STX11: variants seen among roughly 807,000 people sequenced by gnomAD.
STX11 encodes the protein syntaxin-11.
Under a neutral mutation model 19.9 loss-of-function variants are expected in STX11, and 21 were observed. That is an observed-to-expected ratio of 1.06 (90% CI 0.75 to 1.52). STX11 has a LOEUF of 1.52. STX11 is among the 40% of genes most tolerant of loss of function. STX11 has a pLI of 0.00. For missense variants in STX11, 438 were observed against 405.9 expected, an observed-to-expected ratio of 1.08 and a Z score of -0.68; for synonymous variants, 193 against 174.4, an observed-to-expected ratio of 1.11 and a Z score of -0.84.
chr6:144,157,290 T>C, intron 1 of STX11, among the ~76,000 whole-genome samples: 1 of 152,206 alleles, frequency 6.6e-6, no homozygotes, highest in East Asian at 1.9e-4. Flanking sequence ...TTCTGCCTCC[T>C]GAGGCAAGAG....
Position 144,180,917 on chromosome 6 carries a change from G to T in STX11, c.-5-5706G>T, listed in dbSNP as rs1801897113. ...TCCTTGTTCCCTGTGAATGCTATCA[G>T]AGTATTTATTCATGTACCTGAGGGT... On this transcript the variant is annotated intron_variant, in intron 1 of 1. Coordinates refer to ENST00000367568, the MANE Select transcript of STX11 (RefSeq NM_003764.4). The surrounding 1 kb of genome is among the most constrained non-coding windows in gnomAD (Gnocchi z 5.3). Among the ~76,000 whole-genome samples, 1 of 152,196 alleles carries T rather than the reference G, an allele frequency of 6.6e-6. No homozygotes were observed. The highest frequency in any genetic ancestry group is 1.5e-5 in the Non-Finnish European group (1 of 68,036).
At position 144,152,626 on chromosome 6, in the gene STX11, G is replaced by GTTGTT. The variant is rs1225856314; in HGVS notation, c.-6+1941_-6+1945dup. Among the ~76,000 whole-genome samples the GTTGTT allele has an allele frequency of 3.3e-5, 5 of 152,110 alleles. No homozygotes were observed. Among genetic ancestry groups the GTTGTT allele is most frequent in the Admixed American group, 1.3e-4 (2 of 15,280 alleles). On this transcript the variant is annotated intron_variant, in intron 1 of 1. Coordinates refer to ENST00000367568, the MANE Select transcript of STX11 (RefSeq NM_003764.4). This position sits in a 1 kb window ranked among gnomAD's most constrained non-coding sequence, Gnocchi z 4.9. ...AGGAAATGGTGTGACTAATTAATAG[G>GTTGTT]TTGTTTTGTTTTGTTTTGTTTTTTG...
chr6:144,164,047 G>A (rs1450505244), intron 1 of STX11, among the ~76,000 whole-genome samples: 10 of 152,112 alleles, frequency 6.6e-5, no homozygotes, highest in African/African-American at 2.4e-4. Flanking sequence ...CCTATGTTTT[G>A]CTCACCAAGC....
upstream of STX11, among the ~76,000 whole-genome samples, chr6:144,146,703 T>C (rs1800879955): frequency 6.6e-6 from 1 of 152,192 alleles, no homozygotes; most frequent in Non-Finnish European, 1.5e-5. The surrounding 1 kb of genome is among the most constrained non-coding windows in gnomAD (Gnocchi z 4.4). Context: ...ACAACAGGCA[T>C]GCACCACCGC....
rs1254570432 is a variant in STX11 at position 144,167,387 on chromosome 6, G to A, written c.-6+16684G>A. Among the ~76,000 whole-genome samples the A allele has an allele frequency of 2.0e-5, 3 of 152,046 alleles. No individual in the cohort carries two copies. The highest frequency in any genetic ancestry group is 6.5e-5 in the Admixed American group (1 of 15,268). On this transcript the variant is annotated intron_variant, in intron 1 of 1. Transcript: ENST00000367568. This position sits in a 1 kb window ranked among gnomAD's most constrained non-coding sequence, Gnocchi z 5.0. Reference sequence around the variant, plus strand: ...GGGGATAAGACCCAAATCTAAACACGAAATTTATGTTTCATATATACCTAT... The same window carrying A: ...GGGGATAAGACCCAAATCTAAACACAAAATTTATGTTTCATATATACCTAT...
In STX11 at chr6:144,175,584, G is replaced by A. The variant is rs1247699694; in HGVS notation, c.-5-11039G>A. 6.6e-6 allele frequency among the ~76,000 whole-genome samples: 1 copy of A among 152,184 alleles called. No individual in the cohort carries two copies. Among genetic ancestry groups the A allele is most frequent in the Non-Finnish European group, 1.5e-5 (1 of 68,028 alleles). On this transcript the variant is annotated intron_variant, in intron 1 of 1. Transcript: ENST00000367568. This position sits in a 1 kb window ranked among gnomAD's most constrained non-coding sequence, Gnocchi z 5.1. ...GGCCTCTCAAAGTGCTGGGATTACA[G>A]GCATGAGCCACCGCGCCCAGCCTTA...
At chr6:144,157,794 C>A (rs1440786905) in intron 1 of STX11, among the ~76,000 whole-genome samples, 1 of 152,102 alleles carries the variant, frequency 6.6e-6, no homozygotes, top group Non-Finnish European at 1.5e-5. Flanking sequence ...TAACACACAC[C>A]AGTCCTTGCT....
At chr6:144,173,185 A>C (rs1235564926) in intron 1 of STX11, among the ~76,000 whole-genome samples, 3 of 152,218 alleles carry the variant, frequency 2.0e-5, no homozygotes, top group Admixed American at 1.3e-4. Flanking sequence ...TCCTTTGAAA[A>C]GTCTTTGTAT....
rs1801112919 is a variant in STX11 at position 144,155,498 on chromosome 6, G to A, written c.-6+4795G>A. 2.0e-5 allele frequency among the ~76,000 whole-genome samples: 3 copies of A among 152,126 alleles called. No homozygotes were observed. The highest frequency in any genetic ancestry group is 3.8e-4 in the East Asian group (2 of 5,200). On this transcript the variant is annotated intron_variant, in intron 1 of 1. Coordinates refer to ENST00000367568, the MANE Select transcript of STX11 (RefSeq NM_003764.4). This position sits in a 1 kb window ranked among gnomAD's most constrained non-coding sequence, Gnocchi z 4.5. ...TGAAATGAGAGTGACATGAAGCCTCGCAGGGTAATAGAGCCCACATGTCTA... is the reference window on the plus strand; with the variant it reads ...TGAAATGAGAGTGACATGAAGCCTCACAGGGTAATAGAGCCCACATGTCTA...
chr6:144,147,248 T>C (rs1800893273), upstream of STX11, among the ~76,000 whole-genome samples: 1 of 152,132 alleles, frequency 6.6e-6, no homozygotes, highest in African/African-American at 2.4e-5. The surrounding 1 kb of genome is among the most constrained non-coding windows in gnomAD (Gnocchi z 4.2). Context: ...GTTTTTATTC[T>C]TTCACTCCAA....
intron 1 of STX11, among the ~76,000 whole-genome samples, chr6:144,168,953 G>A (rs1224529584): frequency 6.6e-6 from 1 of 152,178 alleles, no homozygotes; most frequent in African/African-American, 2.4e-5. Flanking sequence ...CAGATGTGAA[G>A]GAATAACAAA....
chr6:144,188,847 C>A lies in STX11; in HGVS notation c.*1356C>A, dbSNP rs1802140466. ...GTTCGAGCGATTCTCCTGACTCAGC[C>A]TCCTGAGAAGTTGGGACTCTGGGCG... On this transcript the variant is annotated 3_prime_UTR_variant, in exon 2 of 2. Transcript: ENST00000367568. Among the ~76,000 whole-genome samples, 1 of 151,120 alleles carries A rather than the reference C, an allele frequency of 6.6e-6. No homozygotes were observed. The highest frequency in any genetic ancestry group is 2.1e-4 in the South Asian group (1 of 4,782).
In STX11 at chr6:144,162,499, C is replaced by G. The variant is rs1474345762; in HGVS notation, c.-6+11796C>G. 6.6e-6 allele frequency among the ~76,000 whole-genome samples: 1 copy of G among 152,132 alleles called. No individual in the cohort carries two copies. Among genetic ancestry groups the G allele is most frequent in the Non-Finnish European group, 1.5e-5 (1 of 68,028 alleles). On this transcript the variant is annotated intron_variant, in intron 1 of 1. Transcript: ENST00000367568. This position sits in a 1 kb window ranked among gnomAD's most constrained non-coding sequence, Gnocchi z 4.6. ...AGTAATGTTCAATTTGCTATTTTAT[C>G]CAGAATGTGGAAGGCGTCTTCAAAA... is the stretch of plus-strand genomic sequence containing the variant.
chr6:144,141,653 TTTGTTG>T, the STX11 span, among the ~76,000 whole-genome samples: 36,291 of 150,384 alleles, frequency 0.24, 4,488 homozygotes, highest in African/African-American at 0.29. Flanking sequence ...TATTTTCAGT[TTTGTTG>T]TTGTTGTTGT....
In STX11 at chr6:144,174,642, GAT is replaced by G; in HGVS notation, c.-5-11978_-5-11977del. On this transcript the variant is annotated intron_variant, in intron 1 of 1. Transcript: ENST00000367568. This position sits in a 1 kb window ranked among gnomAD's most constrained non-coding sequence, Gnocchi z 5.3. ...CTTGGCCTCCCAAGCCAGGATTACAGATATGAGTCCCTGTGCCTGGCCAGAAA... is the reference window on the plus strand; with the variant it reads ...CTTGGCCTCCCAAGCCAGGATTACAGATGAGTCCCTGTGCCTGGCCAGAAA... Among the ~76,000 whole-genome samples, 3 of 152,260 alleles carry G rather than the reference GAT, an allele frequency of 2.0e-5. No homozygotes were observed. In the South Asian group the frequency reaches 6.2e-4, roughly 32 times the overall value.
At position 144,150,587 on chromosome 6, in the gene STX11, G is replaced by A; in HGVS notation, c.-122G>A. On this transcript the variant is annotated 5_prime_UTR_variant, in exon 1 of 2. Transcript: ENST00000367568. The stretch of plus-strand genomic sequence containing the variant: ...TCAGCCTCGGCCGCAGGAGGCGCCG[G>A]GAGCGGAGCCGCCGGGAGTCGCGCA... 3 of 985,466 alleles carry A rather than the reference G, an allele frequency of 3.0e-6. No individual in the cohort carries two copies. Among genetic ancestry groups the A allele is most frequent in the Non-Finnish European group, 3.6e-6 (3 of 829,954 alleles). The allele number at this position is 985,466 out of a possible 1,614,324, so 61.0% of individuals were successfully genotyped here. A position where few individuals can be genotyped will look rare whatever the true frequency, so the allele number is the denominator to read the frequency against.
rs145882417 is a variant in STX11 at position 144,180,605 on chromosome 6, T to A, written c.-5-6018T>A. On this transcript the variant is annotated intron_variant, in intron 1 of 1. Transcript: ENST00000367568. The surrounding 1 kb of genome is among the most constrained non-coding windows in gnomAD (Gnocchi z 5.3). ...AAGAAGTGCCTTTCACCTCCCACTA[T>A]GACTCTGGGGCCTCCCCAGCCATGT... 9.8e-5 allele frequency among the ~76,000 whole-genome samples: 15 copies of A among 152,344 alleles called. No homozygotes were observed. The East Asian group carries it at 2.7e-3, about 27-fold the overall frequency.
Position 144,165,671 on chromosome 6 carries a change from G to A in STX11, c.-6+14968G>A, listed in dbSNP as rs906620073. Among the ~76,000 whole-genome samples, 19 of 152,056 alleles carry A rather than the reference G, an allele frequency of 1.2e-4. No homozygotes were observed. The highest frequency in any genetic ancestry group is 3.3e-4 in the Admixed American group (5 of 15,276). On this transcript the variant is annotated intron_variant, in intron 1 of 1. Coordinates refer to ENST00000367568, the MANE Select transcript of STX11 (RefSeq NM_003764.4). The surrounding 1 kb of genome is among the most constrained non-coding windows in gnomAD (Gnocchi z 5.8). ...TGGTTTTATAGAATCATTTTAGATCGTATCATCTGCACATGCTTCCAAAGG... is the reference window on the plus strand; with the variant it reads ...TGGTTTTATAGAATCATTTTAGATCATATCATCTGCACATGCTTCCAAAGG...
upstream of STX11, among the ~76,000 whole-genome samples, chr6:144,150,032 G>A (rs1800952994): frequency 5.3e-5 from 8 of 152,166 alleles, no homozygotes; most frequent in Admixed American, 5.2e-4. Flanking sequence ...GCAGGGTTCT[G>A]GGAAGGCGGT....
Sources: gnomAD v4.1 joint callset for allele counts (sites outside exome capture counted in the v4.1 genomes callset) on GRCh38, gnomAD v4.1.1 for gene constraint, Gnocchi (gnomAD v3.1) non-coding constraint, MANE v1.5 for transcripts, NCBI Gene and HGNC (gene_info 2026-07-23, HGNC 2026-07-21) for gene names.